UNC13B: variants seen among roughly 807,000 people sequenced by gnomAD.
The protein encoded by UNC13B is unc-13 homolog B.
A neutral mutation model predicts 211.0 loss-of-function variants in UNC13B; 144 were observed. The ratio of observed to expected loss-of-function variants is 0.68; its 90% confidence interval spans 0.60 to 0.78. UNC13B has a LOEUF of 0.78. UNC13B is among the 30% of genes least tolerant of loss of function. UNC13B has a pLI of 0.00. For synonymous variants in UNC13B, 709 were observed against 725.8 expected, an observed-to-expected ratio of 0.98 and a Z score of 0.37; for missense variants, 1,777 against 2,002.0, an observed-to-expected ratio of 0.89 and a Z score of 2.14.
intron 36 of UNC13B, among the ~76,000 whole-genome samples, 191 bp downstream of exon 36, chr9:35,399,920 A>G (rs1384490046): frequency 6.6e-6 from 1 of 152,200 alleles, no homozygotes; most frequent in Non-Finnish European, 1.5e-5. Context: ...GTAAGGTGAT[A>G]TAAGGCAGGA....
chr9:35,399,673 C>A lies in UNC13B; in HGVS notation c.12280C>A (p.Arg4094=). The A allele has an allele frequency of 6.2e-7, 1 of 1,614,144 alleles. No individual in the cohort carries two copies. The highest frequency in any genetic ancestry group is 1.1e-5 in the South Asian group (1 of 91,072). The part of the protein sequence containing the change: ...LKDHMVREET[R]NLTPKQCAVL... ...GGATCACATGGTACGAGAGGAAACA[C>A]GGAATCTCACTCCAAAGCAGTGTGC... Residue 4094 remains arginine, a synonymous_variant, in exon 36 of 40, where the codon CGG becomes AGG. Transcript: ENST00000635942.
At chr9:35,198,306 G>A (rs1823059058) in intron 1 of UNC13B, among the ~76,000 whole-genome samples, 1 of 152,090 alleles carries the variant, frequency 6.6e-6, no homozygotes, top group African/African-American at 2.4e-5. Context: ...ATTTTTTTAA[G>A]GTGTGTGGTA....
At position 35,385,063 on chromosome 9, in the gene UNC13B, T is replaced by C. The variant is rs567075548; in HGVS notation, c.10876-661T>C. On this transcript the variant is annotated intron_variant, in intron 22 of 39. Coordinates refer to ENST00000635942, the MANE Select transcript of UNC13B (RefSeq NM_001371189.2). Reference sequence around the variant, plus strand: ...GACTGTATATCTTATATTTGGCATATAAGTAGCCATTTGAAGGTTTAAAAA... The same window carrying C: ...GACTGTATATCTTATATTTGGCATACAAGTAGCCATTTGAAGGTTTAAAAA... 4.5e-5 allele frequency: 44 copies of C among 985,488 alleles called. No individual in the cohort carries two copies. In the South Asian group the frequency reaches 1.6e-3, roughly 36 times the overall value. The allele number at this position is 985,488 out of a possible 1,614,324, so 61.0% of individuals were successfully genotyped here.
chr9:35,307,429 T>C lies in UNC13B; in HGVS notation c.8025T>C (p.Pro2675=). 1 of 399,164 alleles carries C rather than the reference T, an allele frequency of 2.5e-6. No individual in the cohort carries two copies. The highest frequency in any genetic ancestry group is 4.4e-6 in the Non-Finnish European group (1 of 226,230). The allele number at this position is 399,164 out of a possible 1,614,324, so 24.7% of individuals were successfully genotyped here. A position where few individuals can be genotyped will look rare whatever the true frequency, so the allele number is the denominator to read the frequency against. Residue 2675 remains proline, a synonymous_variant, in exon 9 of 40, where the codon CCT becomes CCC. Transcript: ENST00000635942. ...CTCCTCCCATTCAGCCACCTCTTCC[T>C]CTTGAGCCAGAGCCAGCTATTCAAA... ...ELPPPIQPPL[P]LEPEPAIQTA... is the part of the protein sequence containing the mutation.
At chr9:35,352,517 C>A (rs1480982523) in intron 11 of UNC13B, 2 of 1,231,932 alleles carry the variant, frequency 1.6e-6, no homozygotes, top group Admixed American at 8.4e-5. Context: ...GGATTATAGT[C>A]AGACTTCTTT....
chr9:35,218,019 CA>C lies in UNC13B; in HGVS notation c.23-9986del, dbSNP rs562973917. On this transcript the variant is annotated intron_variant, in intron 1 of 39. Coordinates refer to ENST00000635942, the MANE Select transcript of UNC13B (RefSeq NM_001371189.2). ...AGCCTGGATGACACAGCAAAACCCT[CA>C]AAAAAAAAAGATTTTAGGCGTGGAA... Among the ~76,000 whole-genome samples, 122 of 144,650 alleles carry C rather than the reference CA, an allele frequency of 8.4e-4. 2 individuals carry two copies. The South Asian group carries it at 0.02, about 24-fold the overall frequency. 94.9% of individuals were successfully genotyped at this position (144,650 alleles called of 152,430 possible).
intron 11 of UNC13B, among the ~76,000 whole-genome samples, chr9:35,358,204 C>A (rs986089081): frequency 2.4e-4 from 36 of 152,320 alleles, no homozygotes; most frequent in African/African-American, 7.9e-4. Flanking sequence ...TTTATCTGTT[C>A]ACTCATCAGG....
At chr9:35,276,660 T>C (rs2131705732) in intron 7 of UNC13B, among the ~76,000 whole-genome samples, 1 of 152,332 alleles carries the variant, frequency 6.6e-6, no homozygotes, top group South Asian at 2.1e-4. Flanking sequence ...ATAAAAGTCT[T>C]CAAATGATTC....
In UNC13B at chr9:35,400,303, T is replaced by G; in HGVS notation, c.12344T>G (p.Phe4115Cys). ...DLALDTIKQY[F>C]HAGGNGLKKT... The stretch of plus-strand genomic sequence containing the variant: ...TGCTCTTTTATCTTGCAGCAATACT[T>G]CCATGCAGGAGGCAATGGGCTGAAG... Residue 4115 changes from phenylalanine (F) to cysteine (C), a missense_variant, in exon 37 of 40, where the codon TTC (phenylalanine) becomes TGC (cysteine). Transcript: ENST00000635942. 1.2e-6 allele frequency: 2 copies of G among 1,613,890 alleles called. No individual in the cohort carries two copies. Among genetic ancestry groups the G allele is most frequent in the Non-Finnish European group, 1.7e-6 (2 of 1,179,830 alleles).
rs184066348 is a variant in UNC13B at position 35,296,187 on chromosome 9, G to T, written c.761+257G>T. Among the ~76,000 whole-genome samples, 7 of 152,286 alleles carry T rather than the reference G, an allele frequency of 4.6e-5. No homozygotes were observed. The East Asian group carries it at 1.3e-3, about 29-fold the overall frequency. ...ATGATCAGTGATTCTCAACTGATCA[G>T]GGCGATCCCACTTGGGGTGTATCTG... On this transcript the variant is annotated intron_variant, in intron 8 of 39. Coordinates refer to ENST00000635942, the MANE Select transcript of UNC13B (RefSeq NM_001371189.2).
rs1564187883 is a variant in UNC13B at position 35,385,596 on chromosome 9, T to C, written c.10876-128T>C. The C allele has an allele frequency of 4.9e-6, 7 of 1,423,080 alleles. No homozygotes were observed. In the East Asian group the frequency reaches 1.5e-4, roughly 30 times the overall value. The allele number at this position is 1,423,080 out of a possible 1,614,324, so 88.2% of individuals were successfully genotyped here. A position where few individuals can be genotyped will look rare whatever the true frequency, so the allele number is the denominator to read the frequency against. ...AGGAGACCTGTAACTTTACAGTGTT[T>C]TTGGCCAGCTCAACTAGAGAAAAAC... On this transcript the variant is annotated intron_variant, in intron 22 of 39. Coordinates refer to ENST00000635942, the MANE Select transcript of UNC13B (RefSeq NM_001371189.2).
intron 1 of UNC13B, among the ~76,000 whole-genome samples, chr9:35,207,678 G>T (rs1005900179): frequency 6.6e-6 from 1 of 151,864 alleles, no homozygotes; most frequent in African/African-American, 2.4e-5. Flanking sequence ...TATTTATTCA[G>T]ATCCTTTGCC....
intron 21 of UNC13B, 116 bp downstream of exon 21, chr9:35,382,623 C>T (rs955184502): frequency 9.1e-5 from 116 of 1,277,490 alleles, no homozygotes; most frequent in Non-Finnish European, 1.1e-4. Context: ...AGTACAGTGG[C>T]GTGGTCTCGG....
intron 24 of UNC13B, among the ~76,000 whole-genome samples, chr9:35,389,246 A>G (rs1457271010): frequency 6.6e-6 from 1 of 152,104 alleles, no homozygotes; most frequent in African/African-American, 2.4e-5. Context: ...CTTCCCAAGT[A>G]AGGCCCTATC....
Position 35,310,516 on chromosome 9 carries a change from A to G in UNC13B, c.9058A>G (p.Ser3020Gly). The G allele has an allele frequency of 1.2e-6, 2 of 1,614,110 alleles. No individual in the cohort carries two copies. The highest frequency in any genetic ancestry group is 1.7e-6 in the Non-Finnish European group (2 of 1,180,014). ...CTCCTCCTGTAATGTGAGTCAAGGA[A>G]GCTCTCAGCTAAGTGAACTAGACCA... ...YGSSCNVSQG[S>G]SQLSELDQYH... The change falls in exon 10 of 40, where the codon AGC becomes GGC. Residue 3020 changes from serine to glycine, a missense_variant. By Grantham distance (56) the Ser-to-Gly change is moderately conservative (BLOSUM62 0). Transcript: ENST00000635942.
intron 11 of UNC13B, among the ~76,000 whole-genome samples, chr9:35,317,151 T>C (rs1045619329): frequency 6.6e-6 from 1 of 152,206 alleles, no homozygotes; most frequent in African/African-American, 2.4e-5. Context: ...GCTGCCTAAC[T>C]GCAAACACTG....
At chr9:35,395,733 A>G (rs1167700172) in intron 26 of UNC13B, among the ~76,000 whole-genome samples, 1 of 152,130 alleles carries the variant, frequency 6.6e-6, no homozygotes, top group Admixed American at 6.5e-5. Context: ...TTTGTCTTAG[A>G]TTTTCCAGAA....
rs1824959206 is a variant in UNC13B, at chr9:35,228,038, T to G, written c.46T>G (p.Ser16Ala). 4 of 1,612,626 alleles carry G rather than the reference T, an allele frequency of 2.5e-6. No individual in the cohort carries two copies. Among genetic ancestry groups the G allele is most frequent in the Non-Finnish European group, 3.4e-6 (4 of 1,179,408 alleles). ...AGTTAAAAGGGCCAAATTCCAGGGT[T>G]CACCAGGTAAGGCCAGCTTTCTATT... ...VRVKRAKFQGSPDKFNTYVTL... is the reference protein window; with the variant it reads ...VRVKRAKFQGAPDKFNTYVTL... The change falls in exon 2 of 40, where the codon TCA (serine) becomes GCA (alanine). Residue 16 changes from serine to alanine, a missense_variant. Transcript: ENST00000635942.
In UNC13B at chr9:35,389,885, C is replaced by G; in HGVS notation, c.11134C>G (p.Arg3712Gly). The part of the protein sequence containing the change: ...LPPEEQGPSI[R>G]NLDFWPKLIT... ...TCCAGAGGAACAAGGGCCCAGCATT[C>G]GGAACCTGGATTTCTGGCCCAAGCT... The change falls in exon 25 of 40, where the codon CGG becomes GGG. Residue 3712 changes from arginine (R) to glycine (G), a missense_variant. Coordinates refer to ENST00000635942, the MANE Select transcript of UNC13B (RefSeq NM_001371189.2). 1 of 1,614,096 alleles carries G rather than the reference C, an allele frequency of 6.2e-7. No individual in the cohort carries two copies. Among genetic ancestry groups the G allele is most frequent in the East Asian group, 2.2e-5 (1 of 44,882 alleles).
Sources: allele counts gnomAD v4.1 joint callset (sites outside exome capture counted in the v4.1 genomes callset), GRCh38; gene constraint gnomAD v4.1.1; transcripts MANE v1.5; gene names NCBI Gene and HGNC (gene_info 2026-07-23, HGNC 2026-07-21).